Variants in LCLAT1 observed in about 807,000 individuals in gnomAD.
LCLAT1 encodes 1-AGP acyltransferase 8.
Under a neutral mutation model 30.7 loss-of-function variants are expected in LCLAT1, and 11 were observed. That is an observed-to-expected ratio of 0.36 (90% CI 0.23 to 0.59). LCLAT1 has a LOEUF of 0.59. Ranked by LOEUF, LCLAT1 falls within the 20% of genes least tolerant of loss-of-function variation. The pLI, the probability that LCLAT1 is intolerant of heterozygous loss-of-function variation, is 0.77. For missense variants in LCLAT1, 402 were observed against 458.6 expected, an observed-to-expected ratio of 0.88 and a Z score of 1.13; for synonymous variants, 155 against 151.3, an observed-to-expected ratio of 1.02 and a Z score of -0.18.
intron 3 of LCLAT1, among the ~76,000 whole-genome samples, chr2:30,540,400 T>C (rs529603649): frequency 6.6e-6 from 1 of 152,338 alleles, no homozygotes; most frequent in South Asian, 2.1e-4. Context: ...CAGCACTTAC[T>C]AATAATGTTG....
intron 5 of LCLAT1, among the ~76,000 whole-genome samples, chr2:30,598,262 G>A (rs2602805): frequency 6.7e-4 from 102 of 152,008 alleles, no homozygotes; most frequent in African/African-American, 2.2e-3. Flanking sequence ...CTGTAAATCT[G>A]TCTGGTCCTG....
At chr2:30,573,609 G>A (rs529302154) in intron 5 of LCLAT1, among the ~76,000 whole-genome samples, 5 of 152,112 alleles carry the variant, frequency 3.3e-5, no homozygotes, top group South Asian at 4.2e-4. Flanking sequence ...CCTTCCCCAC[G>A]GTATCCTCTT....
chr2:30,636,284 G>A (rs920271171), intron 5 of LCLAT1, among the ~76,000 whole-genome samples: 2 of 152,184 alleles, frequency 1.3e-5, no homozygotes, highest in Admixed American at 1.3e-4. Flanking sequence ...TCAGCACCCA[G>A]GTGAATAGTG....
chr2:30,609,671 G>A (rs1211927409), intron 5 of LCLAT1, among the ~76,000 whole-genome samples: 1 of 152,078 alleles, frequency 6.6e-6, no homozygotes, highest in Non-Finnish European at 1.5e-5. Flanking sequence ...GTGCATAACT[G>A]TTTAGGCATT....
At chr2:30,459,802 C>A in intron 1 of LCLAT1, 1 of 937,116 alleles carries the variant, frequency 1.1e-6, no homozygotes, top group South Asian at 1.4e-5. Context: ...TTGAATTGAT[C>A]ATAGTTTGTT....
At chr2:30,618,463 T>G (rs1572704286) in intron 5 of LCLAT1, among the ~76,000 whole-genome samples, 1 of 152,292 alleles carries the variant, frequency 6.6e-6, no homozygotes, top group East Asian at 1.9e-4. Flanking sequence ...TTGCACATAT[T>G]TTATAAAATT....
intron 5 of LCLAT1, among the ~76,000 whole-genome samples, chr2:30,579,692 A>G (rs1252411061): frequency 6.6e-6 from 1 of 152,148 alleles, no homozygotes; most frequent in African/African-American, 2.4e-5. Flanking sequence ...TTATGTGGCA[A>G]GAACTAAGTT....
rs759930708 is a variant in LCLAT1 at position 30,640,450 on chromosome 2, C to G, written c.962C>G (p.Ala321Gly). 1 of 1,614,166 alleles carries G rather than the reference C, an allele frequency of 6.2e-7. No homozygotes were observed. Among genetic ancestry groups the G allele is most frequent in the Admixed American group, 1.7e-5 (1 of 60,030 alleles). ...SILYWTLFSP[A>G]MCLLIYLYSL... Reference sequence around the variant, plus strand: ...CTGTATTGGACCCTGTTCAGCCCTGCAATGTGCCTACTCATATATTTGTAC... The same window carrying G: ...CTGTATTGGACCCTGTTCAGCCCTGGAATGTGCCTACTCATATATTTGTAC... The change falls in exon 6 of 6, where the codon GCA (alanine) becomes GGA (glycine). Residue 321 changes from alanine (A) to glycine (G), a missense_variant. By Grantham distance (60) the Ala-to-Gly change is moderately conservative. Transcript: ENST00000379509.
intron 1 of LCLAT1, among the ~76,000 whole-genome samples, chr2:30,480,618 T>A (rs1683271208): frequency 6.6e-6 from 1 of 152,232 alleles, no homozygotes; most frequent in South Asian, 2.1e-4. Flanking sequence ...CAGGGTATGA[T>A]GCTTCATGCT....
At chr2:30,607,687 CCCAGG>C (rs1298983737) in intron 5 of LCLAT1, 5 of 151,982 alleles carry the variant, frequency 3.3e-5, no homozygotes, top group African/African-American at 1.2e-4. Flanking sequence ...GTAAAACAGC[CCCAGG>C]CAGGTCCTTC....
At chr2:30,528,770 A>C (rs1355588123) in intron 2 of LCLAT1, among the ~76,000 whole-genome samples, 1 of 152,246 alleles carries the variant, frequency 6.6e-6, no homozygotes, top group African/African-American at 2.4e-5. Context: ...GTAAAAAATT[A>C]GTATACATTT....
At chr2:30,632,008 C>T (rs185630140) in intron 5 of LCLAT1, among the ~76,000 whole-genome samples, 1 of 152,184 alleles carries the variant, frequency 6.6e-6, no homozygotes, top group Admixed American at 6.5e-5. Context: ...TTTTGAAGAT[C>T]CAGAGAACCA....
At chr2:30,629,766 G>A (rs1394973389) in intron 5 of LCLAT1, among the ~76,000 whole-genome samples, 4 of 152,070 alleles carry the variant, frequency 2.6e-5, no homozygotes, top group Admixed American at 6.5e-5. Context: ...CTATTTAAAC[G>A]TGATTTTTGT....
At chr2:30,531,742 T>C (rs936003782) in intron 2 of LCLAT1, among the ~76,000 whole-genome samples, 3 of 152,234 alleles carry the variant, frequency 2.0e-5, no homozygotes, top group African/African-American at 7.2e-5. Context: ...TATATTTCTT[T>C]AGCTAATATT....
intron 3 of LCLAT1, among the ~76,000 whole-genome samples, chr2:30,543,994 T>C (rs1258189572): frequency 6.6e-6 from 1 of 152,220 alleles, no homozygotes; most frequent in East Asian, 1.9e-4. Flanking sequence ...CTTAAGCTAT[T>C]GATCTAATAC....
At chr2:30,509,870 A>T (rs572954461) in intron 1 of LCLAT1, among the ~76,000 whole-genome samples, 1 of 152,262 alleles carries the variant, frequency 6.6e-6, no homozygotes. Context: ...AACAAAGCAG[A>T]GTGCTATATG....
chr2:30,568,382 T>G lies in LCLAT1; in HGVS notation c.628+206T>G, dbSNP rs111279664. 9.6e-3 allele frequency among the ~76,000 whole-genome samples: 1,454 copies of G among 152,122 alleles called. 20 individuals are homozygous for G. The highest frequency in any genetic ancestry group is 0.033 in the African/African-American group (1,355 of 41,522). On this transcript the variant is annotated intron_variant, in intron 5 of 5. Coordinates refer to ENST00000379509, the MANE Select transcript of LCLAT1 (RefSeq NM_001002257.3). The stretch of plus-strand genomic sequence containing the variant: ...TATAGAAGAGATCTCTGTAAAAAAT[T>G]CTTTCCCCTTTTTTGGAACAGACAT...
At chr2:30,504,106 A>G (rs1684538981) in intron 1 of LCLAT1, among the ~76,000 whole-genome samples, 2 of 141,650 alleles carry the variant, frequency 1.4e-5, no homozygotes, top group South Asian at 4.3e-4. Flanking sequence ...GTGTTTATAT[A>G]TGTGTGTGTA....
chr2:30,574,119 G>A (rs999706775), intron 5 of LCLAT1, among the ~76,000 whole-genome samples: 1 of 151,904 alleles, frequency 6.6e-6, no homozygotes, highest in African/African-American at 2.4e-5. Flanking sequence ...TCCAGCCTGG[G>A]TAACAGAGCC....
Sources: allele counts gnomAD v4.1 joint callset (sites outside exome capture counted in the v4.1 genomes callset), GRCh38; gene constraint gnomAD v4.1.1; transcripts MANE v1.5; gene names NCBI Gene and HGNC (gene_info 2026-07-23, HGNC 2026-07-21).